The following PDSS2 variants were observed in gnomAD, a reference collection of about 807,000 sequenced individuals.
The protein encoded by PDSS2 is decaprenyl diphosphate synthase subunit 2.
Under a neutral mutation model 44.5 loss-of-function variants are expected in PDSS2, and 31 were observed. The ratio of observed to expected loss-of-function variants is 0.70; its 90% CI spans 0.52 to 0.94. PDSS2 has a LOEUF of 0.94. PDSS2 is among the 40% of genes least tolerant of loss of function. The pLI is 0.00. For synonymous variants in PDSS2, 157 were observed against 180.3 expected (o/e 0.87, Z 1.03); for missense variants, 452 against 482.2 (o/e 0.94, Z 0.59).
At chr6:107,208,266 G>GTAA (rs923319928) in intron 6 of PDSS2, among the ~76,000 whole-genome samples, 14 of 124,780 alleles carry the variant, frequency 1.1e-4, no homozygotes, top group Non-Finnish European at 2.3e-4. Flanking sequence ...GATTACAGGT[G>GTAA]TAAGCCACCA....
intron 1 of PDSS2, among the ~76,000 whole-genome samples, chr6:107,425,532 G>A (rs906977114): frequency 2.0e-5 from 3 of 152,322 alleles, no homozygotes; most frequent in African/African-American, 4.8e-5. Flanking sequence ...GAACTAGAGA[G>A]AGATGATTTA....
At chr6:107,200,159 A>G (rs1026792425) in intron 6 of PDSS2, among the ~76,000 whole-genome samples, 1 of 152,224 alleles carries the variant, frequency 6.6e-6, no homozygotes, top group African/African-American at 2.4e-5. Flanking sequence ...TTCAGGGATT[A>G]AAGGCCTTGT....
At chr6:107,448,801 A>C (rs1781771113) in intron 1 of PDSS2, among the ~76,000 whole-genome samples, 1 of 152,206 alleles carries the variant, frequency 6.6e-6, no homozygotes, top group East Asian at 1.9e-4. Flanking sequence ...AAAGAGGTTT[A>C]ATTGACCCAG....
At chr6:107,202,847 G>A (rs539572887) in intron 6 of PDSS2, among the ~76,000 whole-genome samples, 1 of 152,012 alleles carries the variant, frequency 6.6e-6, no homozygotes, top group East Asian at 1.9e-4. Flanking sequence ...AGGCTATGGT[G>A]TCCAATTTTA....
chr6:107,210,944 C>T (rs1022365406), intron 5 of PDSS2, among the ~76,000 whole-genome samples: 2 of 150,076 alleles, frequency 1.3e-5, no homozygotes, highest in Admixed American at 6.7e-5. Context: ...TGCAGTGAGC[C>T]GAGATTGCGC....
intron 1 of PDSS2, among the ~76,000 whole-genome samples, chr6:107,457,653 G>A (rs1782088241): frequency 6.6e-6 from 1 of 152,152 alleles, no homozygotes; most frequent in African/African-American, 2.4e-5. Flanking sequence ...CAGTGCTCTA[G>A]TCATAAAAGC....
intron 7 of PDSS2, among the ~76,000 whole-genome samples, chr6:107,167,715 C>G (rs549635066): frequency 6.6e-5 from 10 of 152,286 alleles, no homozygotes; most frequent in African/African-American, 2.4e-4. Context: ...ATATTTATTT[C>G]TGCCTTCATT....
chr6:107,158,303 G>A (rs1415884008), intron 7 of PDSS2, among the ~76,000 whole-genome samples: 7 of 151,474 alleles, frequency 4.6e-5, no homozygotes, highest in African/African-American at 1.7e-4. Context: ...CTCTGCGTCA[G>A]CCTCCCGAGT....
At chr6:107,388,764 G>C (rs1228501728) in intron 1 of PDSS2, among the ~76,000 whole-genome samples, 2 of 152,124 alleles carry the variant, frequency 1.3e-5, no homozygotes, top group Non-Finnish European at 2.9e-5. Context: ...GGCCATATGT[G>C]AATTTTTATG....
At chr6:107,200,872 G>C (rs1048195826) in intron 6 of PDSS2, among the ~76,000 whole-genome samples, 1 of 151,938 alleles carries the variant, frequency 6.6e-6, no homozygotes, top group African/African-American at 2.4e-5. Flanking sequence ...TGTCGTGTTA[G>C]CCAGGTAGTC....
intron 3 of PDSS2, 135 bp from the exon 4 acceptor site, chr6:107,245,754 G>T: frequency 1.8e-6 from 1 of 545,114 alleles, no homozygotes; most frequent in South Asian, 2.9e-5. Context: ...TATGCACCAA[G>T]ATCTCAGCAA....
At chr6:107,176,424 A>T (rs1771788456) in intron 7 of PDSS2, among the ~76,000 whole-genome samples, 1 of 63,012 alleles carries the variant, frequency 1.6e-5, no homozygotes, top group Non-Finnish European at 2.8e-5. Flanking sequence ...ACACACACAC[A>T]CACATACACA....
At chr6:107,251,469 C>G (rs1014120055) in intron 3 of PDSS2, among the ~76,000 whole-genome samples, 1 of 152,190 alleles carries the variant, frequency 6.6e-6, no homozygotes, top group African/African-American at 2.4e-5. Flanking sequence ...CTTTGAGCTG[C>G]TAGCAAAGAA....
chr6:107,198,800 TAACAACAACAACAAC>T (rs35128756), intron 6 of PDSS2, among the ~76,000 whole-genome samples: 22 of 149,422 alleles, frequency 1.5e-4, no homozygotes, highest in African/African-American at 4.7e-4. Flanking sequence ...CTACAAACAA[TAACAACAACAACAAC>T]AACAACAACA....
intron 7 of PDSS2, among the ~76,000 whole-genome samples, chr6:107,168,392 C>T (rs1554247914): frequency 1.3e-5 from 2 of 152,116 alleles, no homozygotes; most frequent in African/African-American, 2.4e-5. Context: ...GATGGGTTTC[C>T]TGAATACAGC....
chr6:107,328,438 T>G (rs1777615899), intron 2 of PDSS2, among the ~76,000 whole-genome samples: 1 of 152,126 alleles, frequency 6.6e-6, no homozygotes, highest in East Asian at 1.9e-4. Context: ...TGTTTTCTTT[T>G]CTTTTCTTTT....
At chr6:107,249,048 C>T (rs1305889785) in intron 3 of PDSS2, among the ~76,000 whole-genome samples, 1 of 152,178 alleles carries the variant, frequency 6.6e-6, no homozygotes, top group Non-Finnish European at 1.5e-5. Flanking sequence ...TCTTGAAGGG[C>T]TCTAATGCTT....
chr6:107,344,388 G>A (rs538649548), intron 1 of PDSS2, among the ~76,000 whole-genome samples: 2 of 152,212 alleles, frequency 1.3e-5, no homozygotes, highest in East Asian at 3.9e-4. Context: ...GACCCAAAAT[G>A]TATTATTACT....
rs549402440 is a variant in PDSS2 at position 107,439,799 on chromosome 6, C to A, written c.296+19191G>T. On this transcript the variant is annotated intron_variant, in intron 1 of 7. Coordinates refer to ENST00000369037, the MANE Select transcript of PDSS2 (RefSeq NM_020381.4). ...CTGAATAAGCAGGACTGGGGAGGAG[C>A]ATATTTGGATGACTAGTGACAAGGT... Among the ~76,000 whole-genome samples, 92 of 152,120 alleles carry A rather than the reference C, an allele frequency of 6.0e-4. No homozygotes were observed. In the Middle Eastern group the frequency reaches 0.024, roughly 39 times the overall value.
Sources: allele counts gnomAD v4.1 joint callset (sites outside exome capture counted in the v4.1 genomes callset), GRCh38; gene constraint gnomAD v4.1.1; transcripts MANE v1.5; gene names NCBI Gene and HGNC (gene_info 2026-07-23, HGNC 2026-07-21).